Variants in ANKS1B observed in about 807,000 individuals in gnomAD.
The protein encoded by ANKS1B is ankyrin repeat and sterile alpha motif domain containing 1B.
ANKS1B carries 36 observed loss-of-function variants against 148.3 expected under a neutral mutation model. That is an observed-to-expected ratio of 0.24 (90% CI 0.19 to 0.32). The LOEUF is 0.32. Among genes scored for constraint, ANKS1B ranks in the 10% least tolerant of loss-of-function variants. ANKS1B has a pLI of 1.00. For missense variants in ANKS1B, 1,157 were observed against 1,542.6 expected (o/e 0.75, Z 4.19); for synonymous variants, 542 against 560.8 (o/e 0.97, Z 0.47).
At chr12:98,955,604 A>G (rs1175363250) in intron 17 of ANKS1B, among the ~76,000 whole-genome samples, 1 of 152,180 alleles carries the variant, frequency 6.6e-6, no homozygotes, top group Non-Finnish European at 1.5e-5. Context: ...AGGCAGTTAC[A>G]TTCTGCATAT....
At chr12:99,440,347 A>G (rs989808549) in intron 11 of ANKS1B, among the ~76,000 whole-genome samples, 2 of 151,890 alleles carry the variant, frequency 1.3e-5, no homozygotes, top group African/African-American at 2.4e-5. Flanking sequence ...CAACACAAGT[A>G]ACATATAACT....
chr12:98,989,361 A>G (rs1411540536), intron 17 of ANKS1B, among the ~76,000 whole-genome samples: 1 of 152,218 alleles, frequency 6.6e-6, no homozygotes, highest in Admixed American at 6.5e-5. Flanking sequence ...TTTATTGAAG[A>G]GACTGTCCTT....
intron 8 of ANKS1B, among the ~76,000 whole-genome samples, chr12:99,738,313 C>T (rs1166198448): frequency 6.6e-6 from 1 of 152,068 alleles, no homozygotes; most frequent in Non-Finnish European, 1.5e-5. Context: ...TCTGTTATTC[C>T]CACATTCACT....
chr12:99,592,074 A>G (rs913875371), intron 9 of ANKS1B, among the ~76,000 whole-genome samples: 7 of 152,182 alleles, frequency 4.6e-5, no homozygotes, highest in Admixed American at 3.3e-4. Context: ...CTCTGTGAAT[A>G]AGTACAGCAT....
chr12:99,443,064 C>T (rs2095576833), intron 11 of ANKS1B, among the ~76,000 whole-genome samples: 1 of 151,618 alleles, frequency 6.6e-6, no homozygotes, highest in Non-Finnish European at 1.5e-5. Context: ...TGCCTGCAAA[C>T]CGCCTACTGG....
Position 99,775,674 on chromosome 12 carries a change from A to G in ANKS1B, c.848-13T>C. 7.1e-7 allele frequency: 1 copy of G among 1,399,772 alleles called. No individual in the cohort carries two copies. The highest frequency in any genetic ancestry group is 1.4e-5 in the South Asian group (1 of 72,328). 86.7% of individuals were successfully genotyped at this position (1,399,772 alleles called of 1,614,324 possible). Reference sequence around the variant, plus strand: ...CCTTCTAAATACTCTGTGTGTATACATTTTTGAGATTACATACTTGAATTC... The same window carrying G: ...CCTTCTAAATACTCTGTGTGTATACGTTTTTGAGATTACATACTTGAATTC... On this transcript the variant is annotated splice_polypyrimidine_tract_variant and intron_variant, in intron 6 of 26. Transcript: ENST00000683438.
At chr12:99,084,713 G>A (rs2051015003) in intron 16 of ANKS1B, among the ~76,000 whole-genome samples, 1 of 152,090 alleles carries the variant, frequency 6.6e-6, no homozygotes, top group Admixed American at 6.6e-5. Context: ...GAGAGACCTT[G>A]TCTCAAAACA....
chr12:99,569,442 G>T (rs906483080), intron 9 of ANKS1B, among the ~76,000 whole-genome samples: 1 of 152,132 alleles, frequency 6.6e-6, no homozygotes, highest in East Asian at 1.9e-4. Flanking sequence ...TTATAGAGTT[G>T]ATATAAAAAT....
At chr12:99,157,818 A>T (rs2076234302) in intron 14 of ANKS1B, among the ~76,000 whole-genome samples, 1 of 152,126 alleles carries the variant, frequency 6.6e-6, no homozygotes. Context: ...AAATAAATAA[A>T]ATTATATATT....
intron 16 of ANKS1B, among the ~76,000 whole-genome samples, chr12:99,065,610 C>G (rs2043886631): frequency 7.8e-6 from 1 of 128,882 alleles, no homozygotes; most frequent in African/African-American, 2.9e-5. Flanking sequence ...ATCCATCCAT[C>G]CATCCATCCA....
intron 5 of ANKS1B, among the ~76,000 whole-genome samples, chr12:99,781,063 C>A (rs1485587706): frequency 9.5e-3 from 1,135 of 118,962 alleles, no homozygotes; most frequent in Non-Finnish European, 9.7e-3. Context: ...CACATAATTG[C>A]AAAAAAAAAA....
chr12:99,133,352 C>G (rs937840232), intron 15 of ANKS1B, among the ~76,000 whole-genome samples: 1 of 152,158 alleles, frequency 6.6e-6, no homozygotes, highest in Non-Finnish European at 1.5e-5. Flanking sequence ...CATGCCCAGC[C>G]AGCATCATGT....
intron 17 of ANKS1B, chr12:98,894,536 C>T (rs1401253876): frequency 2.0e-6 from 2 of 980,204 alleles, no homozygotes; most frequent in Non-Finnish European, 2.4e-6. Flanking sequence ...ACTCGGCTTC[C>T]TCCGCCTCTG....
chr12:98,885,416 T>C (rs2099737363), intron 17 of ANKS1B, among the ~76,000 whole-genome samples: 1 of 152,186 alleles, frequency 6.6e-6, no homozygotes, highest in Non-Finnish European at 1.5e-5. Context: ...TGCTAATAAT[T>C]CTAAATTTAG....
At position 98,836,226 on chromosome 12, in the gene ANKS1B, T is replaced by A. The variant is rs538805971; in HGVS notation, c.2779-4090A>T. On this transcript the variant is annotated intron_variant, in intron 17 of 26. Coordinates refer to ENST00000683438, the MANE Select transcript of ANKS1B (RefSeq NM_001352186.2). ...TGTTGCTTCTTACTTTGAGTTATCA[T>A]GTTTAAAGCATTTATATAGGGTTTT... 5.9e-5 allele frequency among the ~76,000 whole-genome samples: 9 copies of A among 152,350 alleles called. No homozygotes were observed. In the South Asian group the frequency reaches 1.9e-3, roughly 32 times the overall value.
At chr12:99,055,205 G>T (rs2099968771) in intron 16 of ANKS1B, among the ~76,000 whole-genome samples, 1 of 152,170 alleles carries the variant, frequency 6.6e-6, no homozygotes, top group South Asian at 2.1e-4. Context: ...GTTAAAAGGT[G>T]GTTGAACTAA....
chr12:99,279,632 T>A (rs1790702139), intron 12 of ANKS1B, among the ~76,000 whole-genome samples: 1 of 152,184 alleles, frequency 6.6e-6, no homozygotes, highest in Non-Finnish European at 1.5e-5. Flanking sequence ...CCTTGTAAAG[T>A]GCAGTTGAAT....
chr12:99,598,868 T>C (rs969829674), intron 9 of ANKS1B, among the ~76,000 whole-genome samples: 5 of 152,082 alleles, frequency 3.3e-5, no homozygotes, highest in Non-Finnish European at 5.9e-5. Flanking sequence ...TTGCAGTTCA[T>C]AGTTTGGGAT....
At chr12:99,378,775 T>C (rs1472388820) in intron 12 of ANKS1B, among the ~76,000 whole-genome samples, 2 of 151,812 alleles carry the variant, frequency 1.3e-5, no homozygotes, top group Admixed American at 6.6e-5. Flanking sequence ...GTTTTATGCA[T>C]AGGTCACTTA....
Sources: allele counts gnomAD v4.1 joint callset (sites outside exome capture counted in the v4.1 genomes callset), GRCh38; gene constraint gnomAD v4.1.1; transcripts MANE v1.5; gene names NCBI Gene and HGNC (gene_info 2026-07-23, HGNC 2026-07-21).